The following LSG1 variants were observed in gnomAD, a reference collection of about 807,000 sequenced individuals.
LSG1 encodes the protein large 60S subunit nuclear export GTPase 1.
In LSG1, 55 loss-of-function variants were observed where a neutral mutation model predicts 82.6. The ratio of observed to expected loss-of-function variants is 0.67; its 90% CI spans 0.54 to 0.83. The LOEUF (loss-of-function observed/expected upper bound fraction) is 0.83, where lower values mean the gene tolerates loss of function less well. Ranked by LOEUF, LSG1 falls within the 40% of genes least tolerant of loss-of-function variation. The pLI is 0.00. For missense variants in LSG1, 809 were observed against 807.9 expected (o/e 1.00, Z -0.02); for synonymous variants, 272 against 282.5 (o/e 0.96, Z 0.37).
At chr3:194,647,933 C>T (rs1350862989) in intron 11 of LSG1, among the ~76,000 whole-genome samples, 1 of 152,144 alleles carries the variant, frequency 6.6e-6, no homozygotes, top group East Asian at 1.9e-4. Context: ...TCTCTAAGTT[C>T]AAGGTTTAAG....
At chr3:194,656,899 C>CA (rs1317851165) in intron 7 of LSG1, among the ~76,000 whole-genome samples, 1 of 151,050 alleles carries the variant, frequency 6.6e-6, no homozygotes, top group African/African-American at 2.4e-5. Flanking sequence ...ATTGCAAGGA[C>CA]AAAAAACCAA....
chr3:194,663,937 G>A (rs9288752), intron 5 of LSG1, among the ~76,000 whole-genome samples: 97,910 of 151,936 alleles, frequency 0.64, 32,318 homozygotes, highest in East Asian at 0.87. Context: ...CACCCTAATA[G>A]GAAATGTAAG....
rs35670721 is a variant in LSG1, at chr3:194,666,457, C to T, written c.342G>A (p.Pro114=). 108,272 of 1,613,240 alleles carry T rather than the reference C, an allele frequency of 0.067. 4,166 individuals are homozygous for T. The highest frequency in any genetic ancestry group is 0.13 in the Middle Eastern group (814 of 6,058). ...HEENKQFLCI[P]RRPNWNQNTT... The stretch of plus-strand genomic sequence containing the variant: ...TAAATTCTTCTTCAGCTCACCTCCT[C>T]GGTATACACAAGAACTGTTTGTTTT... The change falls in exon 3 of 14, where the codon CCG becomes CCA. Residue 114 remains proline (P), a synonymous_variant. Transcript: ENST00000265245.
At chr3:194,644,790 T>C (rs1231374493) in intron 12 of LSG1, 44 bp from the exon 13 acceptor site, 5 of 1,520,720 alleles carry the variant, frequency 3.3e-6, no homozygotes, top group African/African-American at 1.4e-5. Context: ...CTAAGTGCCA[T>C]CTGTGGCCTC....
intron 7 of LSG1, among the ~76,000 whole-genome samples, 196 bp downstream of exon 7, chr3:194,658,761 G>T (rs1675949): frequency 0.62 from 93,523 of 151,960 alleles, 30,330 homozygotes; most frequent in East Asian, 0.87. Flanking sequence ...ACACTGGAGA[G>T]GTCAGACTGT....
intron 7 of LSG1, among the ~76,000 whole-genome samples, chr3:194,656,156 C>T (rs1718785382): frequency 1.3e-5 from 2 of 151,864 alleles, no homozygotes; most frequent in Admixed American, 1.3e-4. Context: ...CAAATGGGAT[C>T]TAATTAAACT....
At position 194,672,092 on chromosome 3, in the gene LSG1, C is replaced by T. The variant is rs370005927; in HGVS notation, c.71G>A (p.Ser24Asn). The change falls in exon 1 of 14, where the codon AGC becomes AAC. Residue 24 changes from serine to asparagine, a missense_variant. Physicochemically the swap from Ser to Asn is conservative, Grantham distance 46. Coordinates refer to ENST00000265245, the MANE Select transcript of LSG1 (RefSeq NM_018385.3). ...RALMRHQTQR[S>N]RSHRHTDSWL... ...GGAGTCAGTGTGACGATGGCTTCGG[C>T]TCCGCTGAGTCTGATGGCGCATAAG... The T allele has an allele frequency of 5.1e-5, 82 of 1,611,418 alleles. No individual in the cohort carries two copies. Among genetic ancestry groups the T allele is most frequent in the Admixed American group, 6.7e-5 (4 of 60,000 alleles).
intron 2 of LSG1, among the ~76,000 whole-genome samples, chr3:194,667,942 A>AAAAAAAAAAAAAAATATATATAT: frequency 1.1e-5 from 1 of 86,968 alleles, no homozygotes; most frequent in African/African-American, 4.8e-5. Flanking sequence ...AAAAAAAAAA[A>AAAAAAAAAAAAAAATATATATAT]ATATATATAT....
chr3:194,670,169 C>T (rs1719116427), intron 1 of LSG1, 34 bp from the exon 2 acceptor site: 2 of 1,609,050 alleles, frequency 1.2e-6, no homozygotes, highest in Admixed American at 1.7e-5. Flanking sequence ...AATACAGCTG[C>T]TCTCTTCTGC....
chr3:194,650,977 C>T lies in LSG1; in HGVS notation c.1323G>A (p.Leu441=), dbSNP rs780477251. 2 of 1,614,030 alleles carry T rather than the reference C, an allele frequency of 1.2e-6. No individual in the cohort carries two copies. Among genetic ancestry groups the T allele is most frequent in the South Asian group, 2.2e-5 (2 of 91,080 alleles). ...PGLCLCDCPG[L]VMPSFVSTKA... is the part of the protein sequence containing the mutation. ...TGGTAGACACAAAAGATGGCATCAC[C>T]AAGCCAGGACAGTCACACAGGCAGA... The change falls in exon 10 of 14, where the codon TTG becomes TTA. Residue 441 remains leucine (L), a synonymous_variant. Coordinates refer to ENST00000265245, the MANE Select transcript of LSG1 (RefSeq NM_018385.3).
In LSG1 at chr3:194,644,608, T is replaced by C. The variant is rs180753483; in HGVS notation, c.1762A>G (p.Ile588Val). ...AAAGTTTTGTCAACGATATTTTCAA[T>C]CTGCTTTGCTTTTTTATTTCTGCCT... ...QLGRNKKAKQIENIVDKTFFH... is the reference protein window; with the variant it reads ...QLGRNKKAKQVENIVDKTFFH... The change falls in exon 13 of 14, where the codon ATT (isoleucine) becomes GTT (valine). Residue 588 changes from isoleucine to valine, a missense_variant. Coordinates refer to ENST00000265245, the MANE Select transcript of LSG1 (RefSeq NM_018385.3). 1.9e-6 allele frequency: 3 copies of C among 1,612,138 alleles called. No homozygotes were observed. In the East Asian group the frequency reaches 6.7e-5, roughly 36 times the overall value.
In LSG1 at chr3:194,641,329, A is replaced by G. The variant is rs1338177447; in HGVS notation, c.*739T>C. The G allele has an allele frequency of 1.3e-5, 2 of 152,150 alleles. No individual in the cohort carries two copies. Among genetic ancestry groups the G allele is most frequent in the African/African-American group, 4.8e-5 (2 of 41,432 alleles). The allele number at this position is 152,150 out of a possible 1,614,324, so 9.4% of individuals were successfully genotyped here. On this transcript the variant is annotated 3_prime_UTR_variant, in exon 14 of 14. Coordinates refer to ENST00000265245, the MANE Select transcript of LSG1 (RefSeq NM_018385.3). ...AGACCTCAATCTTCCCATTCCTCCC[A>G]TCCCGAAGCAACCACTAATCTACTT...
rs753165603 is a variant in LSG1, at chr3:194,653,125, A to G, written c.777T>C (p.Asp259=). Reference sequence around the variant, plus strand: ...ACTTGGTTGTGTTGCTTTGTCTATCATCTCTGTTTGCCTCTTCCTGACAAA... The same window carrying G: ...ACTTGGTTGTGTTGCTTTGTCTATCGTCTCTGTTTGCCTCTTCCTGACAAA... The part of the protein sequence containing the change: ...NGDSEEEANR[D]DRQSNTTKFG... The change falls in exon 8 of 14, where the codon GAT becomes GAC. Residue 259 remains aspartate (D), a synonymous_variant. Transcript: ENST00000265245. 1 of 1,613,872 alleles carries G rather than the reference A, an allele frequency of 6.2e-7. No homozygotes were observed. Among genetic ancestry groups the G allele is most frequent in the East Asian group, 2.2e-5 (1 of 44,878 alleles).
intron 13 of LSG1, 89 bp downstream of exon 13, chr3:194,644,484 A>C: frequency 2.3e-6 from 2 of 854,422 alleles, no homozygotes; most frequent in African/African-American, 3.5e-5. Flanking sequence ...TTTGGGGTTA[A>C]TAAAATGTGT....
chr3:194,672,028 C>T (rs376444623), intron 1 of LSG1, 36 bp downstream of exon 1: 77 of 1,587,832 alleles, frequency 4.8e-5, no homozygotes, highest in African/African-American at 9.4e-5. Flanking sequence ...TCAGGCTAGA[C>T]AGAAAAGATA....
chr3:194,666,527 A>C lies in LSG1; in HGVS notation c.272T>G (p.Leu91Arg). 1 of 1,613,544 alleles carries C rather than the reference A, an allele frequency of 6.2e-7. No homozygotes were observed. Reference protein sequence around the residue: ...KFVPAEARTGLLSFEESQRIK... With the variant: ...KFVPAEARTGRLSFEESQRIK... Reference sequence around the variant, plus strand: ...TCTCTGGCTCTCCTCGAAAGACAGTAGTCCAGTTCTAGCCTCAGCAGGCAC... The same window carrying C: ...TCTCTGGCTCTCCTCGAAAGACAGTCGTCCAGTTCTAGCCTCAGCAGGCAC... The change falls in exon 3 of 14, where the codon CTA (leucine) becomes CGA (arginine). Residue 91 changes from leucine (L) to arginine (R), a missense_variant. By Grantham distance (102) the Leu-to-Arg change is moderately radical. Transcript: ENST00000265245.
At chr3:194,651,053 G>C (rs1265338834) in intron 9 of LSG1, 29 bp from the exon 10 acceptor site, 1 of 1,613,858 alleles carries the variant, frequency 6.2e-7, no homozygotes, top group South Asian at 1.1e-5. Context: ...GTTTGAGCTG[G>C]GTATACAACA....
chr3:194,667,230 T>C (rs891442464), intron 2 of LSG1, among the ~76,000 whole-genome samples: 7 of 152,124 alleles, frequency 4.6e-5, no homozygotes, highest in Non-Finnish European at 7.4e-5. Flanking sequence ...TTTGTATTTT[T>C]AGTAGAGACG....
At chr3:194,669,768 C>T (rs1719105794) in intron 2 of LSG1, among the ~76,000 whole-genome samples, 1 of 152,114 alleles carries the variant, frequency 6.6e-6, no homozygotes, top group Non-Finnish European at 1.5e-5. Flanking sequence ...CCCATCTCTA[C>T]TAGAAATACA....
Sources: gnomAD v4.1 joint callset for allele counts (sites outside exome capture counted in the v4.1 genomes callset) on GRCh38, gnomAD v4.1.1 for gene constraint, MANE v1.5 for transcripts, NCBI Gene and HGNC (gene_info 2026-07-23, HGNC 2026-07-21) for gene names.